PCDH11X: variants seen among roughly 807,000 people sequenced by gnomAD.
PCDH11X encodes protocadherin-11 X-linked.
A neutral mutation model predicts 53.3 loss-of-function variants in PCDH11X; 18 were observed. The observed-to-expected ratio is 0.34, with a 90% CI of 0.23 to 0.50. The LOEUF (loss-of-function observed/expected upper bound fraction) is 0.50, where lower values mean the gene tolerates loss of function less well. Ranked by LOEUF, PCDH11X falls within the 20% of genes least tolerant of loss-of-function variation. The probability of loss-of-function intolerance (pLI) is 0.98; values close to 1 mark genes in which losing one functional copy is unlikely to be tolerated. For synonymous variants in PCDH11X, 279 were observed against 393.3 expected (o/e 0.71, Z 3.44); for missense variants, 570 against 1,032.4 (o/e 0.55, Z 6.14).
At chrX:91,973,938 A>G (rs961034143) in intron 6 of PCDH11X, among the ~76,000 whole-genome samples, 15 of 111,066 alleles carry the variant, frequency 1.4e-4, no homozygotes, top group African/African-American at 3.9e-4. Context: ...TGTCAATTAA[A>G]AAGTAAATTT....
intron 10 of PCDH11X, among the ~76,000 whole-genome samples, chrX:92,589,156 T>C (rs937169677): frequency 1.8e-5 from 2 of 111,744 alleles, no homozygotes; most frequent in African/African-American, 6.5e-5. Context: ...AAACAGAAGC[T>C]GACATATTTC....
At chrX:92,411,964 GAGGAGGGAAGAAGAAGAAGAAGAA>G (rs2071674926) in intron 9 of PCDH11X, among the ~76,000 whole-genome samples, 138 of 39,306 alleles carry the variant, frequency 3.5e-3, no homozygotes, top group Non-Finnish European at 6.1e-3. Flanking sequence ...GGAGGAGGAG[GAGGAGGGAAGAAGAAGAAGAAGAA>G]GGGGAGGAGG....
chrX:92,306,667 C>T (rs1286145130), intron 8 of PCDH11X, among the ~76,000 whole-genome samples: 2 of 109,320 alleles, frequency 1.8e-5, no homozygotes, highest in Non-Finnish European at 3.8e-5. Flanking sequence ...CTTGACCAGG[C>T]GCCGTGGTTC....
At chrX:91,943,636 CATA>C (rs1338346681) in intron 6 of PCDH11X, among the ~76,000 whole-genome samples, 1 of 100,051 alleles carries the variant, frequency 1.0e-5, no homozygotes, top group Non-Finnish European at 2.0e-5. Flanking sequence ...CAGCTAACGT[CATA>C]ATAATGGTGA....
intron 7 of PCDH11X, among the ~76,000 whole-genome samples, chrX:92,262,293 A>C (rs2067733866): frequency 9.0e-6 from 1 of 111,567 alleles, no homozygotes; most frequent in African/African-American, 3.3e-5. Context: ...CATAACTGTA[A>C]AAAGAACAGG....
intron 4 of PCDH11X, among the ~76,000 whole-genome samples, chrX:91,823,858 A>T (rs185726349): frequency 0.016 from 1,765 of 110,632 alleles, 37 homozygotes; most frequent in African/African-American, 0.055. Flanking sequence ...CAGCTCTTTT[A>T]GGGCAGGCCT....
chrX:91,843,260 CTT>C (rs1491336759), intron 5 of PCDH11X, among the ~76,000 whole-genome samples: 1 of 64,310 alleles, frequency 1.6e-5, no homozygotes, highest in Non-Finnish European at 2.8e-5. Flanking sequence ...TACATACATA[CTT>C]ATGTGTGTGT....
intron 7 of PCDH11X, among the ~76,000 whole-genome samples, chrX:92,249,841 T>A (rs2067424073): frequency 9.0e-6 from 1 of 111,563 alleles, no homozygotes; most frequent in East Asian, 2.8e-4. Context: ...TCGTAAAAAA[T>A]CATTTCAAGT....
At chrX:92,457,637 A>G (rs2072934513) in intron 9 of PCDH11X, among the ~76,000 whole-genome samples, 2 of 108,361 alleles carry the variant, frequency 1.8e-5, no homozygotes, top group South Asian at 8.0e-4. Flanking sequence ...TATATAATAA[A>G]ATAATCAATT....
intron 8 of PCDH11X, among the ~76,000 whole-genome samples, chrX:92,353,781 C>A (rs1343340084): frequency 2.1e-4 from 23 of 110,607 alleles, no homozygotes; most frequent in South Asian, 3.9e-4. Flanking sequence ...TATCTTACTG[C>A]TATCAATGTT....
chrX:92,471,179 G>T (rs773185902), intron 10 of PCDH11X, among the ~76,000 whole-genome samples: 87 of 100,797 alleles, frequency 8.6e-4, no homozygotes, highest in African/African-American at 3.0e-3. Context: ...GTGTCATGGG[G>T]ATTTGTTGCA....
At chrX:92,198,426 A>AAAT (rs1427056073) in intron 6 of PCDH11X, among the ~76,000 whole-genome samples, 3 of 103,891 alleles carry the variant, frequency 2.9e-5, no homozygotes, top group Non-Finnish European at 5.9e-5. Flanking sequence ...AAAAAAAAAA[A>AAAT]AAAAAAAAAA....
At chrX:92,114,064 G>C in intron 6 of PCDH11X, 1 of 1,179,820 alleles carries the variant, frequency 8.5e-7, no homozygotes, top group Non-Finnish European at 1.2e-6. Context: ...CCTGATACAG[G>C]CATGACAGGA....
chrX:92,497,888 T>C (rs1202317608), intron 10 of PCDH11X, among the ~76,000 whole-genome samples: 1 of 111,499 alleles, frequency 9.0e-6, no homozygotes, highest in African/African-American at 3.3e-5. Flanking sequence ...TTTTGTCTGA[T>C]ATGCTGTCGT....
At chrX:91,882,014 T>C (rs1939930428) in intron 6 of PCDH11X, among the ~76,000 whole-genome samples, 1 of 110,259 alleles carries the variant, frequency 9.1e-6, no homozygotes. Flanking sequence ...TGAAATTTTA[T>C]GTTTTATAAA....
At chrX:92,015,036 A>G (rs1478131579) in intron 6 of PCDH11X, among the ~76,000 whole-genome samples, 1 of 111,996 alleles carries the variant, frequency 8.9e-6, no homozygotes, top group Non-Finnish European at 1.9e-5. Context: ...AAAGTATAAT[A>G]AAAATAAATA....
chrX:92,390,013 G>T, intron 9 of PCDH11X, among the ~76,000 whole-genome samples: 1 of 110,332 alleles, frequency 9.1e-6, no homozygotes, highest in East Asian at 2.9e-4. Context: ...TTAAAATCTA[G>T]ATGTCTGTGG....
At chrX:92,389,959 A>C (rs1264838653) in intron 9 of PCDH11X, among the ~76,000 whole-genome samples, 1 of 109,996 alleles carries the variant, frequency 9.1e-6, no homozygotes, top group Non-Finnish European at 1.9e-5. Context: ...TGAAGGACTC[A>C]CAAAATTTGC....
chrX:92,009,235 A>G, intron 6 of PCDH11X, among the ~76,000 whole-genome samples: 1 of 112,034 alleles, frequency 8.9e-6, no homozygotes, highest in Non-Finnish European at 1.9e-5. Flanking sequence ...CCAGGTAAGA[A>G]TAATAGAAAT....
Sources: gnomAD v4.1 joint callset for allele counts (sites outside exome capture counted in the v4.1 genomes callset) on GRCh38, gnomAD v4.1.1 for gene constraint, MANE v1.5 for transcripts, NCBI Gene and HGNC (gene_info 2026-07-23, HGNC 2026-07-21) for gene names.